GLI3: variants seen among roughly 807,000 people sequenced by gnomAD.
GLI3 encodes GLI family zinc finger 3, also known as transcription activator GLI3.
A neutral mutation model predicts 100.8 loss-of-function variants in GLI3; 20 were observed. That is an observed-to-expected ratio of 0.20 (90% CI 0.14 to 0.29). The LOEUF (loss-of-function observed/expected upper bound fraction) is 0.29. Ranked by LOEUF, GLI3 falls within the 10% of genes least tolerant of loss-of-function variation. GLI3 has a pLI of 1.00. For missense variants in GLI3, 2,040 were observed against 2,128.5 expected (o/e 0.96, Z 0.82); for synonymous variants, 938 against 860.5 (o/e 1.09, Z -1.58).
intron 1 of GLI3, among the ~76,000 whole-genome samples, chr7:42,228,042 G>C (rs1480681617): frequency 6.6e-6 from 1 of 152,166 alleles, no homozygotes; most frequent in Admixed American, 6.5e-5. Flanking sequence ...CACCACTTTT[G>C]CCCGCGCCTG....
chr7:42,062,848 T>C (rs1784598987), intron 4 of GLI3, among the ~76,000 whole-genome samples: 2 of 152,132 alleles, frequency 1.3e-5, no homozygotes, highest in South Asian at 2.1e-4. Flanking sequence ...GTGCAGATGA[T>C]AAGGCAGAAA....
At chr7:42,070,983 AT>A (rs1235084991) in intron 4 of GLI3, among the ~76,000 whole-genome samples, 1 of 152,148 alleles carries the variant, frequency 6.6e-6, no homozygotes, top group Non-Finnish European at 1.5e-5. Flanking sequence ...CTGAGCTTTT[AT>A]TTTTTGAATC....
At chr7:42,111,755 C>T (rs1268113750) in intron 3 of GLI3, among the ~76,000 whole-genome samples, 3 of 152,210 alleles carry the variant, frequency 2.0e-5, no homozygotes, top group Non-Finnish European at 4.4e-5. Flanking sequence ...TTCCTCAGCT[C>T]GCTCTCTTTA....
chr7:42,166,652 T>A (rs976614872), intron 2 of GLI3, among the ~76,000 whole-genome samples: 11 of 46,088 alleles, frequency 2.4e-4, no homozygotes, highest in South Asian at 7.0e-4. Flanking sequence ...TCTGATTCCT[T>A]TTTTTTTTTT....
chr7:42,231,689 A>C (rs1382282627), intron 1 of GLI3, among the ~76,000 whole-genome samples: 2 of 152,200 alleles, frequency 1.3e-5, no homozygotes, highest in Non-Finnish European at 2.9e-5. Context: ...TTCTCTACAC[A>C]CTGCTAACTT....
At chr7:42,090,891 A>G (rs895342114) in intron 3 of GLI3, among the ~76,000 whole-genome samples, 2 of 152,246 alleles carry the variant, frequency 1.3e-5, no homozygotes, top group Non-Finnish European at 2.9e-5. Flanking sequence ...TTCATATGCT[A>G]TTTTGCAAAT....
intron 7 of GLI3, among the ~76,000 whole-genome samples, chr7:42,039,330 C>T (rs1784082829): frequency 6.6e-6 from 1 of 152,180 alleles, no homozygotes; most frequent in Non-Finnish European, 1.5e-5. Context: ...TTACAAAAGT[C>T]TGTGCTTGTA....
Position 41,961,980 on chromosome 7 carries a change from A to G in GLI3, c.*2350T>C, listed in dbSNP as rs1787024496. 2 of 152,224 alleles carry G rather than the reference A, an allele frequency of 1.3e-5. No homozygotes were observed. The highest frequency in any genetic ancestry group is 2.1e-4 in the South Asian group (1 of 4,836). The allele number at this position is 152,224 out of a possible 1,614,324, so 9.4% of individuals were successfully genotyped here. On this transcript the variant is annotated 3_prime_UTR_variant, in exon 15 of 15. Coordinates refer to ENST00000395925, the MANE Select transcript of GLI3 (RefSeq NM_000168.6). ...GAAAGGAAAGCAAATATAAAAAAAAAAAGAAATAAAAGAAGAATAGGGGAA... is the reference window on the plus strand; with the variant it reads ...GAAAGGAAAGCAAATATAAAAAAAAGAAGAAATAAAAGAAGAATAGGGGAA...
rs774560060 is a variant in GLI3, at chr7:42,018,624, C to T, written c.1497+4844G>A. Among the ~76,000 whole-genome samples the T allele has an allele frequency of 2.6e-5, 4 of 152,150 alleles. No homozygotes were observed. The South Asian group carries it at 8.3e-4, about 31-fold the overall frequency. On this transcript the variant is annotated intron_variant, in intron 10 of 14. Coordinates refer to ENST00000395925, the MANE Select transcript of GLI3 (RefSeq NM_000168.6). The stretch of plus-strand genomic sequence containing the variant: ...CTAAATCTCTATATTAAAAAGAAAG[C>T]CCCTCATTTTCATGCTGCTGATGTA...
chr7:41,967,015 G>A (rs1040046007), intron 14 of GLI3, among the ~76,000 whole-genome samples: 2 of 152,224 alleles, frequency 1.3e-5, no homozygotes, highest in Non-Finnish European at 1.5e-5. Context: ...GGTACACAAC[G>A]CTTGAGTTCC....
intron 2 of GLI3, among the ~76,000 whole-genome samples, chr7:42,148,704 G>T (rs529166706): frequency 6.6e-6 from 1 of 152,258 alleles, no homozygotes; most frequent in South Asian, 2.1e-4. Context: ...AGCAGGAAAT[G>T]AGCCTATTAA....
At chr7:42,039,094 T>C (rs1440467054) in intron 7 of GLI3, among the ~76,000 whole-genome samples, 1 of 152,154 alleles carries the variant, frequency 6.6e-6, no homozygotes, top group African/African-American at 2.4e-5. Context: ...TGGCAAAAAA[T>C]TTAGGGGAAA....
At chr7:42,261,233 C>G (rs968520069) in intron 1 of GLI3, among the ~76,000 whole-genome samples, 11 of 148,190 alleles carry the variant, frequency 7.4e-5, no homozygotes, top group East Asian at 2.0e-4. Flanking sequence ...AACACACACA[C>G]AGAGAGAGAT....
At chr7:42,142,564 C>T (rs1430817724) in intron 3 of GLI3, among the ~76,000 whole-genome samples, 1 of 152,112 alleles carries the variant, frequency 6.6e-6, no homozygotes, top group African/African-American at 2.4e-5. Context: ...TTCCCAGTTT[C>T]ATTCACTATC....
chr7:41,964,352 T>G lies in GLI3; in HGVS notation c.4721A>C (p.Lys1574Thr). The G allele has an allele frequency of 6.2e-7, 1 of 1,614,210 alleles. No individual in the cohort carries two copies. Among genetic ancestry groups the G allele is most frequent in the Non-Finnish European group, 8.5e-7 (1 of 1,180,000 alleles). ...AGCCTATTGCATAACTGCAAGGAAT[T>G]TGCTTTCTTCCGCTAGGGAGGTCAG... ...SLLTSLAEES[K>T]FLAVMQ is the part of the protein sequence containing the mutation. Residue 1574 changes from lysine (K) to threonine (T), a missense_variant, in exon 15 of 15, where the codon AAA (lysine) becomes ACA (threonine). By Grantham distance (78) the Lys-to-Thr change is moderately conservative. Transcript: ENST00000395925.
At position 42,048,367 on chromosome 7, in the gene GLI3, A is replaced by G. The variant is rs846267; in HGVS notation, c.679+124T>C. ...AAACGCAATCATGCATGTAAGGCAC[A>G]GAGCACAGCGCCTGGCACATGGGAA... On this transcript the variant is annotated intron_variant, in intron 5 of 14. Transcript: ENST00000395925. 0.49 allele frequency: 374,608 copies of G among 764,004 alleles called. 97,034 individuals are homozygous for G. Among genetic ancestry groups the G allele is most frequent in the African/African-American group, 0.84 (49,808 of 58,970 alleles). 47.3% of individuals were successfully genotyped at this position (764,004 alleles called of 1,614,324 possible).
intron 4 of GLI3, among the ~76,000 whole-genome samples, chr7:42,072,062 A>T (rs1007513591): frequency 1.3e-5 from 2 of 152,194 alleles, no homozygotes; most frequent in Non-Finnish European, 2.9e-5. Context: ...TCGAAAGTGG[A>T]TTAGTAAAGT....
chr7:42,035,421 C>G (rs1789410112), intron 7 of GLI3, among the ~76,000 whole-genome samples: 1 of 152,190 alleles, frequency 6.6e-6, no homozygotes, highest in South Asian at 2.1e-4. Context: ...CATCATCAGG[C>G]TGAGCTCATC....
In GLI3 at chr7:42,109,927, C is replaced by T. The variant is rs11982351; in HGVS notation, c.368-33070G>A. On this transcript the variant is annotated intron_variant, in intron 3 of 14. Transcript: ENST00000395925. ...CAGTAAGTTATGGATTACTTTGCTA[C>T]GGATGCTGGCTATACCTCTTTAGGA... Among the ~76,000 whole-genome samples the T allele has an allele frequency of 2.7e-3, 411 of 152,298 alleles. 1 individual carries two copies. Among genetic ancestry groups the T allele is most frequent in the African/African-American group, 9.6e-3 (398 of 41,564 alleles).
Sources: gnomAD v4.1 joint callset for allele counts (sites outside exome capture counted in the v4.1 genomes callset) on GRCh38, gnomAD v4.1.1 for gene constraint, MANE v1.5 for transcripts, NCBI Gene and HGNC (gene_info 2026-07-23, HGNC 2026-07-21) for gene names.